The following AFAP1 variants were observed in gnomAD, a reference collection of about 807,000 sequenced individuals.
AFAP1 encodes the protein actin filament associated protein 1, also known as actin filament-associated protein 1.
Under a neutral mutation model 93.9 loss-of-function variants are expected in AFAP1, and 75 were observed. That is an observed-to-expected ratio of 0.80 (90% confidence interval 0.66 to 0.97). The LOEUF is 0.97. Among genes scored for constraint, AFAP1 ranks in the 50% least tolerant of loss-of-function variants. The pLI is 0.00. For missense variants in AFAP1, 1,201 were observed against 1,050.8 expected (o/e 1.14, Z -1.98); for synonymous variants, 517 against 430.7 (o/e 1.20, Z -2.48).
chr4:7,922,113 G>A (rs1560237954), intron 1 of AFAP1, among the ~76,000 whole-genome samples: 3 of 151,498 alleles, frequency 2.0e-5, no homozygotes, highest in Non-Finnish European at 4.4e-5. Context: ...CTCCATCTTG[G>A]AAAAAAAAGA....
chr4:7,811,431 G>A (rs926328455), intron 8 of AFAP1, among the ~76,000 whole-genome samples: 3 of 151,688 alleles, frequency 2.0e-5, no homozygotes, highest in Admixed American at 2.0e-4. Flanking sequence ...CTCTGCACAC[G>A]CACACACTCA....
intron 8 of AFAP1, among the ~76,000 whole-genome samples, chr4:7,813,021 G>A (rs964236275): frequency 6.6e-6 from 1 of 152,160 alleles, no homozygotes; most frequent in South Asian, 2.1e-4. Context: ...CGGTTTATTA[G>A]ACAGGAGGGA....
chr4:7,777,738 T>G (rs997087239), intron 14 of AFAP1: 3 of 152,194 alleles, frequency 2.0e-5, no homozygotes, highest in African/African-American at 7.2e-5. Flanking sequence ...TCCCACCTTC[T>G]TTCTCTGGGA....
At chr4:7,859,975 C>G in intron 3 of AFAP1, among the ~76,000 whole-genome samples, 1 of 152,028 alleles carries the variant, frequency 6.6e-6, no homozygotes, top group Admixed American at 6.6e-5. Context: ...AATCCCATCT[C>G]TACAAAAAAA....
In AFAP1 at chr4:7,939,557, C is replaced by T. The variant is rs760780451; in HGVS notation, c.-3+99G>A. 131 of 366,542 alleles carry T rather than the reference C, an allele frequency of 3.6e-4. 1 individual carries two copies. Among genetic ancestry groups the T allele is most frequent in the Middle Eastern group, 7.3e-4 (1 of 1,370 alleles). 22.7% of individuals were successfully genotyped at this position (366,542 alleles called of 1,614,324 possible). On this transcript the variant is annotated intron_variant, in intron 1 of 17. Transcript: ENST00000420658. This position sits in a 1 kb window ranked among gnomAD's most constrained non-coding sequence, Gnocchi z 5.6. ...GAGGCCGAGACAAAGCCCAGGCGCA[C>T]GGACCCCGGACCCTGCGGAGCCCCG...
chr4:7,870,589 T>A (rs1289903170), intron 2 of AFAP1, among the ~76,000 whole-genome samples: 1 of 152,002 alleles, frequency 6.6e-6, no homozygotes, highest in Admixed American at 6.6e-5. Flanking sequence ...CCTGGGAGGT[T>A]AATACTGCAG....
intron 1 of AFAP1, among the ~76,000 whole-genome samples, chr4:7,894,625 T>C (rs1357080455): frequency 6.6e-6 from 1 of 152,188 alleles, no homozygotes; most frequent in East Asian, 1.9e-4. Context: ...CATCTGTGTC[T>C]GCCCCACCAA....
At chr4:7,768,175 T>C (rs9790401) in intron 17 of AFAP1, among the ~76,000 whole-genome samples, 129,532 of 152,340 alleles carry the variant, frequency 0.85, 55,198 homozygotes, top group East Asian at 0.93. Context: ...GCCACACTCC[T>C]GTGGCTCCCC....
At chr4:7,924,428 A>T (rs1720613115) in intron 1 of AFAP1, among the ~76,000 whole-genome samples, 2 of 152,230 alleles carry the variant, frequency 1.3e-5, no homozygotes, top group Admixed American at 1.3e-4. Context: ...GCGGTGGATC[A>T]AAACAGATTC....
chr4:7,894,721 G>T (rs867496679), intron 1 of AFAP1, among the ~76,000 whole-genome samples: 1 of 152,182 alleles, frequency 6.6e-6, no homozygotes, highest in African/African-American at 2.4e-5. Context: ...ACCCACCGAT[G>T]AAGAGGTAGG....
chr4:7,937,215 C>A (rs372624004), intron 1 of AFAP1, among the ~76,000 whole-genome samples: 3 of 152,102 alleles, frequency 2.0e-5, no homozygotes, highest in South Asian at 2.1e-4. Context: ...AAAGTATATA[C>A]ACATGTAACT....
At chr4:7,870,937 C>A (rs1002415290) in intron 2 of AFAP1, among the ~76,000 whole-genome samples, 3 of 152,158 alleles carry the variant, frequency 2.0e-5, no homozygotes, top group African/African-American at 7.2e-5. Flanking sequence ...CTGTGAATCA[C>A]ATCTCAATAA....
chr4:7,814,895 C>T (rs1188050747), intron 8 of AFAP1, among the ~76,000 whole-genome samples: 2 of 152,158 alleles, frequency 1.3e-5, no homozygotes, highest in Non-Finnish European at 2.9e-5. Context: ...AATTTTATGG[C>T]ATTTAATTTC....
chr4:7,914,166 T>C (rs1254102950), intron 1 of AFAP1, among the ~76,000 whole-genome samples: 1 of 152,032 alleles, frequency 6.6e-6, no homozygotes, highest in Non-Finnish European at 1.5e-5. Flanking sequence ...GCGATTCTCC[T>C]GCCTCAGCTT....
intron 11 of AFAP1, among the ~76,000 whole-genome samples, chr4:7,789,516 T>C (rs7684924): frequency 0.12 from 10,650 of 85,650 alleles, 1,246 homozygotes; most frequent in African/African-American, 0.26. Context: ...CATCTCCCCA[T>C]GCTCCGCACA....
At chr4:7,857,960 T>C (rs1280615519) in intron 3 of AFAP1, among the ~76,000 whole-genome samples, 1 of 152,136 alleles carries the variant, frequency 6.6e-6, no homozygotes, top group African/African-American at 2.4e-5. Flanking sequence ...ATTCCACTTC[T>C]AGAAACATAT....
rs566789651 is a variant in AFAP1, at chr4:7,866,612, C to A, written c.225+2010G>T. On this transcript the variant is annotated intron_variant, in intron 3 of 17. Transcript: ENST00000420658. Reference sequence around the variant, plus strand: ...GAGCCAGAGATTCCAGACAATCTTACAAAGAAAAAATGAAAATAAGCCAGA... The same window carrying A: ...GAGCCAGAGATTCCAGACAATCTTAAAAAGAAAAAATGAAAATAAGCCAGA... Among the ~76,000 whole-genome samples the A allele has an allele frequency of 7.2e-5, 11 of 152,102 alleles. No individual in the cohort carries two copies. The South Asian group carries it at 1.7e-3, about 23-fold the overall frequency.
rs999273203 is a variant in AFAP1, at chr4:7,856,754, C to A, written c.226-1180G>T. On this transcript the variant is annotated intron_variant, in intron 3 of 17. Coordinates refer to ENST00000420658, the MANE Select transcript of AFAP1 (RefSeq NM_001134647.2). The stretch of plus-strand genomic sequence containing the variant: ...CTCCCTCCTAAGACCATCTACAGGA[C>A]TTGCTGGTGTGTCTCTCACTGGTCC... Among the ~76,000 whole-genome samples the A allele has an allele frequency of 2.0e-5, 3 of 152,174 alleles. No individual in the cohort carries two copies. In the East Asian group the frequency reaches 5.8e-4, roughly 29 times the overall value.
Position 7,763,897 on chromosome 4 carries a change from T to C in AFAP1, c.2419-106A>G, listed in dbSNP as rs147487259. 2.1e-3 allele frequency: 2,308 copies of C among 1,083,160 alleles called. 6 individuals carry two copies. The highest frequency in any genetic ancestry group is 2.6e-3 in the Non-Finnish European group (1,870 of 722,984). 67.1% of individuals were successfully genotyped at this position (1,083,160 alleles called of 1,614,324 possible). On this transcript the variant is annotated intron_variant, in intron 17 of 17. Transcript: ENST00000420658. ...TCAGAGGGGGTGGGTGCTCGGCTACTGCAGAAAACTCAACAGAATCAATGA... is the reference window on the plus strand; with the variant it reads ...TCAGAGGGGGTGGGTGCTCGGCTACCGCAGAAAACTCAACAGAATCAATGA...
Sources: gnomAD v4.1 joint callset for allele counts (sites outside exome capture counted in the v4.1 genomes callset) on GRCh38, gnomAD v4.1.1 for gene constraint, Gnocchi (gnomAD v3.1) non-coding constraint, MANE v1.5 for transcripts, NCBI Gene and HGNC (gene_info 2026-07-23, HGNC 2026-07-21) for gene names.